The following GCGR variants were observed in gnomAD, a reference collection of about 807,000 sequenced individuals.
The protein encoded by GCGR is glucagon receptor.
Under a neutral mutation model 56.1 loss-of-function variants are expected in GCGR, and 41 were observed. The observed-to-expected ratio is 0.73, with a 90% CI of 0.57 to 0.95. GCGR has a LOEUF of 0.95. GCGR is among the 40% of genes least tolerant of loss of function. GCGR has a pLI of 0.00. For synonymous variants in GCGR, 278 were observed against 271.1 expected, an observed-to-expected ratio of 1.03 and a Z score of -0.25; for missense variants, 595 against 638.2, an observed-to-expected ratio of 0.93 and a Z score of 0.73.
chr17:81,809,753 G>C, intron 2 of GCGR, 29 bp from the exon 3 acceptor site: 1 of 1,511,840 alleles, frequency 6.6e-7, no homozygotes, highest in Non-Finnish European at 8.9e-7. Context: ...CTGTCTGTCT[G>C]TCTGGTTGCT....
chr17:81,808,940 C>T lies in GCGR; in HGVS notation c.-79C>T, dbSNP rs892602513. On this transcript the variant is annotated 5_prime_UTR_variant, in exon 2 of 14. Transcript: ENST00000400723. ...TGCCACTCAGCTGCCCTCGGAGGAG[C>T]GTACACACCCACCAGGACTGCATTG... 3.1e-5 allele frequency: 46 copies of T among 1,498,950 alleles called. No homozygotes were observed. Among genetic ancestry groups the T allele is most frequent in the East Asian group, 1.7e-4 (7 of 40,710 alleles). The allele number at this position is 1,498,950 out of a possible 1,614,324, so 92.9% of individuals were successfully genotyped here. A position where few individuals can be genotyped will look rare whatever the true frequency, so the allele number is the denominator to read the frequency against.
rs764269382 is a variant in GCGR, at chr17:81,813,723, G to C, written c.*34G>C. On this transcript the variant is annotated 3_prime_UTR_variant, in exon 14 of 14. Coordinates refer to ENST00000400723, the MANE Select transcript of GCGR (RefSeq NM_000160.5). The surrounding 1 kb of genome is among the most constrained non-coding windows in gnomAD (Gnocchi z 5.3). ...GGGACCCCAGCTAGGGCTGGACTCT[G>C]GCACCCAGAGGGCGTCGCTGGACAA... The C allele has an allele frequency of 6.6e-7, 1 of 1,523,888 alleles. No individual in the cohort carries two copies. Among genetic ancestry groups the C allele is most frequent in the Non-Finnish European group, 8.8e-7 (1 of 1,138,400 alleles). 94.4% of individuals were successfully genotyped at this position (1,523,888 alleles called of 1,614,324 possible).
rs888409047 is a variant in GCGR at position 81,812,735 on chromosome 17, G to A, written c.1037+70G>A. ...GGGCCAGAGGGCAGCTGGGGGTGGG[G>A]ACTCCAAGCTCCACGTGGATGGTGC... On this transcript the variant is annotated intron_variant, in intron 11 of 13. Coordinates refer to ENST00000400723, the MANE Select transcript of GCGR (RefSeq NM_000160.5). The surrounding 1 kb of genome is among the most constrained non-coding windows in gnomAD (Gnocchi z 8.5). The A allele has an allele frequency of 3.6e-5, 55 of 1,529,580 alleles. No individual in the cohort carries two copies. The highest frequency in any genetic ancestry group is 4.9e-5 in the East Asian group (2 of 40,736). The allele number at this position is 1,529,580 out of a possible 1,614,324, so 94.8% of individuals were successfully genotyped here.
Position 81,811,136 on chromosome 17 carries a change from G to A in GCGR, c.393+5G>A, listed in dbSNP as rs367632151. The A allele has an allele frequency of 6.5e-7, 1 of 1,536,222 alleles. No homozygotes were observed. ...GGCGAGGAGATTGAGGTCCAGGTCA[G>A]TGGGCGGCAGGCAGGCGCGGTGGGG... On this transcript the variant is annotated splice_donor_5th_base_variant and intron_variant, in intron 5 of 13. Coordinates refer to ENST00000400723, the MANE Select transcript of GCGR (RefSeq NM_000160.5). This position sits in a 1 kb window ranked among gnomAD's most constrained non-coding sequence, Gnocchi z 5.8.
intron 1 of GCGR, among the ~76,000 whole-genome samples, chr17:81,807,748 C>T (rs577442938): frequency 6.6e-6 from 1 of 152,380 alleles, no homozygotes; most frequent in South Asian, 2.1e-4. Flanking sequence ...CGTGGACCCA[C>T]AGGAAGACCC....
At position 81,813,691 on chromosome 17, in the gene GCGR, C is replaced by T. The variant is rs1351541940; in HGVS notation, c.*2C>T. ...AGATTGGCTGAGAGCCCCTTCTGAA[C>T]CCTGCTGGGACCCCAGCTAGGGCTG... is the stretch of plus-strand genomic sequence containing the variant. On this transcript the variant is annotated 3_prime_UTR_variant, in exon 14 of 14. Coordinates refer to ENST00000400723, the MANE Select transcript of GCGR (RefSeq NM_000160.5). This position sits in a 1 kb window ranked among gnomAD's most constrained non-coding sequence, Gnocchi z 5.3. 1 of 1,534,304 alleles carries T rather than the reference C, an allele frequency of 6.5e-7. No individual in the cohort carries two copies.
rs1044352605 is a variant in GCGR, at chr17:81,812,527, G to A, written c.949-50G>A. ...AGGTGGGGCCTTCCAAGGGCACAGA[G>A]CTGTTCCCTGGGGCTCGGGATGCCC... On this transcript the variant is annotated intron_variant, in intron 10 of 13. Coordinates refer to ENST00000400723, the MANE Select transcript of GCGR (RefSeq NM_000160.5). This position sits in a 1 kb window ranked among gnomAD's most constrained non-coding sequence, Gnocchi z 8.5. The A allele has an allele frequency of 4.7e-6, 7 of 1,497,670 alleles. No homozygotes were observed. The highest frequency in any genetic ancestry group is 3.4e-4 in the Middle Eastern group (2 of 5,880). 92.8% of individuals were successfully genotyped at this position (1,497,670 alleles called of 1,614,324 possible). A position where few individuals can be genotyped will look rare whatever the true frequency, so the allele number is the denominator to read the frequency against.
In GCGR at chr17:81,809,858, A is replaced by T; in HGVS notation, c.137A>T (p.Asn46Ile). ...WKLYGDQCHH[N>I]LSLLPPPTEL... is the part of the protein sequence containing the mutation. The stretch of plus-strand genomic sequence containing the variant: ...CTCTACGGTGACCAGTGTCACCACA[A>T]CCTGAGCCTGCTGCCCCCTCCCACG... Residue 46 changes from asparagine to isoleucine, a missense_variant, in exon 3 of 14, where the codon AAC (asparagine) becomes ATC (isoleucine). By Grantham distance (149) the Asn-to-Ile change is moderately radical. Coordinates refer to ENST00000400723, the MANE Select transcript of GCGR (RefSeq NM_000160.5). The T allele has an allele frequency of 2.0e-6, 3 of 1,536,428 alleles. No individual in the cohort carries two copies. Among genetic ancestry groups the T allele is most frequent in the Non-Finnish European group, 2.6e-6 (3 of 1,146,788 alleles).
intron 1 of GCGR, among the ~76,000 whole-genome samples, chr17:81,807,761 C>T (rs1360462556): frequency 6.6e-6 from 1 of 152,266 alleles, no homozygotes; most frequent in East Asian, 1.9e-4. Flanking sequence ...GAAGACCCTC[C>T]CTGCTTCTCC....
chr17:81,808,918 C>A lies in GCGR; in HGVS notation c.-101C>A. The A allele has an allele frequency of 1.4e-6, 2 of 1,416,238 alleles. No individual in the cohort carries two copies. The highest frequency in any genetic ancestry group is 1.9e-6 in the Non-Finnish European group (2 of 1,039,734). 87.7% of individuals were successfully genotyped at this position (1,416,238 alleles called of 1,614,324 possible). A position where few individuals can be genotyped will look rare whatever the true frequency, so the allele number is the denominator to read the frequency against. On this transcript the variant is annotated 5_prime_UTR_variant, in exon 2 of 14. Transcript: ENST00000400723. The stretch of plus-strand genomic sequence containing the variant: ...GACGCCCCAGGCTCTGCTGCTCTGC[C>A]ACTCAGCTGCCCTCGGAGGAGCGTA...
Position 81,809,052 on chromosome 17 carries a change from C to T in GCGR, c.34C>T (p.Leu12=). The part of the protein sequence containing the change: ...PPCQPQRPLL[L]LLLLLACQPQ... Reference sequence around the variant, plus strand: ...CTGCCAGCCACAGCGACCCCTGCTGCTGTTGCTGCTGCTGCTGGCCTGCCA... The same window carrying T: ...CTGCCAGCCACAGCGACCCCTGCTGTTGTTGCTGCTGCTGCTGGCCTGCCA... The change falls in exon 2 of 14, where the codon CTG becomes TTG. Residue 12 remains leucine (L), a synonymous_variant. Coordinates refer to ENST00000400723, the MANE Select transcript of GCGR (RefSeq NM_000160.5). 5 of 1,536,224 alleles carry T rather than the reference C, an allele frequency of 3.3e-6. No individual in the cohort carries two copies. Among genetic ancestry groups the T allele is most frequent in the Non-Finnish European group, 4.4e-6 (5 of 1,146,894 alleles).
intron 2 of GCGR, 44 bp from the exon 3 acceptor site, chr17:81,809,738 C>CCTGTCTGCCTGT: frequency 1.4e-6 from 2 of 1,423,202 alleles, no homozygotes; most frequent in East Asian, 2.5e-5. Context: ...TGTCTGCCTG[C>CCTGTCTGCCTGT]CTGTCTGTCT....
At position 81,811,121 on chromosome 17, in the gene GCGR, T is replaced by C. The variant is rs2038087743; in HGVS notation, c.383T>C (p.Ile128Thr). 4 of 1,536,174 alleles carry C rather than the reference T, an allele frequency of 2.6e-6. No individual in the cohort carries two copies. The highest frequency in any genetic ancestry group is 1.4e-5 in the African/African-American group (1 of 73,148). The change falls in exon 5 of 14, where the codon ATT (isoleucine) becomes ACT (threonine). Residue 128 changes from isoleucine (I) to threonine (T), a missense_variant. Ile to Thr is a moderately conservative substitution (Grantham distance 89, BLOSUM62 -1). Coordinates refer to ENST00000400723, the MANE Select transcript of GCGR (RefSeq NM_000160.5). This position sits in a 1 kb window ranked among gnomAD's most constrained non-coding sequence, Gnocchi z 5.8. The stretch of plus-strand genomic sequence containing the variant: ...CAGTGCCAGATGGATGGCGAGGAGA[T>C]TGAGGTCCAGGTCAGTGGGCGGCAG... ...ASQCQMDGEE[I>T]EVQKEVAKMY... is the part of the protein sequence containing the mutation.
chr17:81,810,763 G>A lies in GCGR; in HGVS notation c.164-62G>A. ...TCCAGAGAGAGGAGAGAGGCCTGCT[G>A]AGGGAGCCCCTTCTCCCACCCTGCC... On this transcript the variant is annotated intron_variant, in intron 3 of 13. Coordinates refer to ENST00000400723, the MANE Select transcript of GCGR (RefSeq NM_000160.5). The surrounding 1 kb of genome is among the most constrained non-coding windows in gnomAD (Gnocchi z 4.6). 1.4e-6 allele frequency: 2 copies of A among 1,440,450 alleles called. No individual in the cohort carries two copies. Among genetic ancestry groups the A allele is most frequent in the Non-Finnish European group, 1.9e-6 (2 of 1,060,504 alleles). 89.2% of individuals were successfully genotyped at this position (1,440,450 alleles called of 1,614,324 possible).
Position 81,809,045 on chromosome 17 carries a change from CCT to C in GCGR, c.28_29del (p.Leu10AlafsTer24), listed in dbSNP as rs2038019017. On this transcript the variant is annotated frameshift_variant, in exon 2 of 14. Coordinates refer to ENST00000400723, the MANE Select transcript of GCGR (RefSeq NM_000160.5). LOFTEE classifies it high-confidence loss of function. ...TGCCCCCCTGCCAGCCACAGCGACC[CCT>C]GCTGCTGTTGCTGCTGCTGCTGGCC... is the stretch of plus-strand genomic sequence containing the variant. MPPCQPQRP[L>X]LLLLLLLACQ... is the part of the protein sequence containing the mutation. The C allele has an allele frequency of 1.8e-5, 28 of 1,536,236 alleles. No homozygotes were observed. The highest frequency in any genetic ancestry group is 2.1e-5 in the Non-Finnish European group (24 of 1,146,900).
intron 2 of GCGR, 48 bp from the exon 3 acceptor site, chr17:81,809,718 TCTGCCTGTCTGTCTGC>T: frequency 3.9e-6 from 5 of 1,293,136 alleles, no homozygotes; most frequent in South Asian, 2.5e-5. Flanking sequence ...TGCCTGTCTG[TCTGCCTGTCTGTCTGC>T]CTGCCTGTCT....
rs767302129 is a variant in GCGR, at chr17:81,813,427, G to A, written c.1219-47G>A. 1.1e-5 allele frequency: 16 copies of A among 1,505,366 alleles called. No homozygotes were observed. The highest frequency in any genetic ancestry group is 1.4e-5 in the Non-Finnish European group (16 of 1,122,698). The allele number at this position is 1,505,366 out of a possible 1,614,324, so 93.3% of individuals were successfully genotyped here. On this transcript the variant is annotated intron_variant, in intron 13 of 13. Transcript: ENST00000400723. The surrounding 1 kb of genome is among the most constrained non-coding windows in gnomAD (Gnocchi z 5.3). The stretch of plus-strand genomic sequence containing the variant: ...CCACAGCAGGTCCCGGTGGGGTGGA[G>A]AGGACAGGCAGGCCCTAGGACTGGC...
At position 81,811,840 on chromosome 17, in the gene GCGR, G is replaced by C; in HGVS notation, c.817+30G>C. 1.3e-6 allele frequency: 2 copies of C among 1,537,026 alleles called. No individual in the cohort carries two copies. Among genetic ancestry groups the C allele is most frequent in the Non-Finnish European group, 1.7e-6 (2 of 1,146,882 alleles). On this transcript the variant is annotated intron_variant, in intron 8 of 13. Coordinates refer to ENST00000400723, the MANE Select transcript of GCGR (RefSeq NM_000160.5). The surrounding 1 kb of genome is among the most constrained non-coding windows in gnomAD (Gnocchi z 5.8). ...GTGGGCTGGCATGAGAGGGGGTTAA[G>C]GCAGGCTGACCAAGCCTTTGGGACC...
chr17:81,809,177 T>TGCCTGTCTGTCTGTCTGCCC (rs1172377989), intron 2 of GCGR, 99 bp downstream of exon 2: 12 of 1,406,284 alleles, frequency 8.5e-6, no homozygotes, highest in African/African-American at 7.1e-5. Flanking sequence ...CCTGTCTGCC[T>TGCCTGTCTGTCTGTCTGCCC]GCCTGTCTGT....
Sources: allele counts gnomAD v4.1 joint callset (sites outside exome capture counted in the v4.1 genomes callset), GRCh38; gene constraint gnomAD v4.1.1; non-coding constraint Gnocchi (gnomAD v3.1); transcripts MANE v1.5; gene names NCBI Gene and HGNC (gene_info 2026-07-23, HGNC 2026-07-21).